Variants in TMEM108 observed in about 807,000 individuals in gnomAD.
TMEM108 encodes cancer/testis antigen 124.
A neutral mutation model predicts 35.1 loss-of-function variants in TMEM108; 12 were observed. The ratio of observed to expected loss-of-function variants is 0.34; its 90% CI spans 0.22 to 0.55. The LOEUF (loss-of-function observed/expected upper bound fraction) is 0.55, where lower values mean the gene tolerates loss of function less well. TMEM108 is among the 20% of genes least tolerant of loss of function. TMEM108 has a pLI of 0.89. For synonymous variants in TMEM108, 287 were observed against 308.6 expected (o/e 0.93, Z 0.73); for missense variants, 680 against 753.3 (o/e 0.90, Z 1.14).
chr3:133,381,293 G>A, intron 4 of TMEM108, 132 bp downstream of exon 4: 2 of 971,714 alleles, frequency 2.1e-6, no homozygotes, highest in South Asian at 1.7e-5. Context: ...AGGAAACTAG[G>A]TATCAGGACA....
At chr3:133,161,477 C>T (rs1008254087) in intron 2 of TMEM108, among the ~76,000 whole-genome samples, 3 of 152,064 alleles carry the variant, frequency 2.0e-5, no homozygotes, top group African/African-American at 7.2e-5. Flanking sequence ...AGAATAGTGC[C>T]TGGAACATAG....
intron 2 of TMEM108, among the ~76,000 whole-genome samples, chr3:133,143,812 G>T (rs1944673493): frequency 6.6e-6 from 1 of 152,134 alleles, no homozygotes; most frequent in African/African-American, 2.4e-5. Context: ...GCCAGCCCCA[G>T]CACATGCCCT....
intron 3 of TMEM108, among the ~76,000 whole-genome samples, chr3:133,310,388 G>C (rs562894736): frequency 6.6e-6 from 1 of 152,256 alleles, no homozygotes; most frequent in South Asian, 2.1e-4. Flanking sequence ...TGGTGCTCCT[G>C]TATTGGGTGC....
intron 3 of TMEM108, among the ~76,000 whole-genome samples, chr3:133,262,856 TC>T: frequency 6.6e-6 from 1 of 152,210 alleles, no homozygotes; most frequent in Admixed American, 6.5e-5. Context: ...CCAAATATGT[TC>T]CCTTTTCTGA....
intron 3 of TMEM108, among the ~76,000 whole-genome samples, chr3:133,336,759 C>T (rs1007376623): frequency 1.3e-5 from 2 of 151,610 alleles, no homozygotes; most frequent in Non-Finnish European, 2.9e-5. Flanking sequence ...TCTCTGATTC[C>T]AGGCCATGGC....
chr3:133,291,502 T>C, intron 3 of TMEM108, among the ~76,000 whole-genome samples: 1 of 152,122 alleles, frequency 6.6e-6, no homozygotes, highest in Non-Finnish European at 1.5e-5. Context: ...GGTCTCAAAC[T>C]CCTGGGCTCA....
chr3:133,277,703 G>A (rs1320584921), intron 3 of TMEM108, among the ~76,000 whole-genome samples: 2 of 152,224 alleles, frequency 1.3e-5, no homozygotes, highest in Non-Finnish European at 2.9e-5. Context: ...ATGGGGCACT[G>A]TAACTTACCT....
rs988862434 is a variant in TMEM108 at position 133,380,120 on chromosome 3, G to A, written c.409G>A (p.Ala137Thr). Reference protein sequence around the residue: ...SKPEGRPRGQAAPTILLTKPP... With the variant: ...SKPEGRPRGQTAPTILLTKPP... Reference sequence around the variant, plus strand: ...GCCAGAGGGCCGCCCTCGAGGGCAGGCTGCCCCCACCATCCTGCTGACAAA... The same window carrying A: ...GCCAGAGGGCCGCCCTCGAGGGCAGACTGCCCCCACCATCCTGCTGACAAA... Residue 137 changes from alanine (A) to threonine (T), a missense_variant, in exon 4 of 6, where the codon GCT becomes ACT. This residue lies in a region of TMEM108 where 526 missense variants were observed against 532.1 expected (regional missense o/e 0.99). Transcript: ENST00000321871. This position sits in a 1 kb window ranked among gnomAD's most constrained non-coding sequence, Gnocchi z 5.3. 2 of 1,613,784 alleles carry A rather than the reference G, an allele frequency of 1.2e-6. No individual in the cohort carries two copies. Among genetic ancestry groups the A allele is most frequent in the East Asian group, 2.2e-5 (1 of 44,878 alleles).
At chr3:133,301,123 A>G (rs1157326051) in intron 3 of TMEM108, among the ~76,000 whole-genome samples, 1 of 152,022 alleles carries the variant, frequency 6.6e-6, no homozygotes, top group Non-Finnish European at 1.5e-5. Context: ...AAAGAGTATT[A>G]TTGGAAGATC....
At chr3:133,267,299 A>G (rs1946713264) in intron 3 of TMEM108, among the ~76,000 whole-genome samples, 1 of 152,176 alleles carries the variant, frequency 6.6e-6, no homozygotes, top group African/African-American at 2.4e-5. Context: ...GATAATAACT[A>G]CACATTATAG....
At chr3:133,243,136 G>A (rs1946336086) in intron 3 of TMEM108, among the ~76,000 whole-genome samples, 1 of 152,162 alleles carries the variant, frequency 6.6e-6, no homozygotes, top group Non-Finnish European at 1.5e-5. Flanking sequence ...CTTGAGAAGG[G>A]ATGGTAATTG....
intron 3 of TMEM108, among the ~76,000 whole-genome samples, chr3:133,288,516 G>A (rs1355777): frequency 0.98 from 148,444 of 152,242 alleles, 72,458 homozygotes; most frequent in East Asian, 1. Context: ...GCTCAAATAC[G>A]CTAGTGGTAC....
chr3:133,313,411 T>C (rs935683238), intron 3 of TMEM108, among the ~76,000 whole-genome samples: 4 of 152,108 alleles, frequency 2.6e-5, no homozygotes, highest in African/African-American at 9.7e-5. Flanking sequence ...GGTCCCAATC[T>C]CCTGACCTCG....
chr3:133,386,331 A>T, intron 4 of TMEM108: 1 of 1,450,314 alleles, frequency 6.9e-7, no homozygotes, highest in East Asian at 2.5e-5. Context: ...ATGCCTGCTC[A>T]AACAGGCCCG....
At chr3:133,057,847 C>T (rs1943489568) in intron 2 of TMEM108, among the ~76,000 whole-genome samples, 1 of 152,146 alleles carries the variant, frequency 6.6e-6, no homozygotes, top group South Asian at 2.1e-4. Flanking sequence ...GAGCTTCTGA[C>T]TTTTCTTCTG....
At chr3:133,379,277 C>T (rs2072932118) in intron 3 of TMEM108, among the ~76,000 whole-genome samples, 1 of 152,218 alleles carries the variant, frequency 6.6e-6, no homozygotes, top group African/African-American at 2.4e-5. Context: ...AGAGTTGGTA[C>T]ATACTGCCAC....
At chr3:133,164,238 C>A (rs1195384175) in intron 2 of TMEM108, among the ~76,000 whole-genome samples, 1 of 152,114 alleles carries the variant, frequency 6.6e-6, no homozygotes, top group Non-Finnish European at 1.5e-5. Flanking sequence ...GACCAAGTGT[C>A]AAGTCACAGC....
At chr3:133,275,297 T>C (rs141679601) in intron 3 of TMEM108, among the ~76,000 whole-genome samples, 190 of 152,336 alleles carry the variant, frequency 1.2e-3, no homozygotes, top group Middle Eastern at 3.4e-3. Context: ...ATTTTCTGAA[T>C]TTTAGCAACA....
chr3:133,108,209 C>T lies in TMEM108; in HGVS notation c.-47+62189C>T, dbSNP rs549209451. On this transcript the variant is annotated intron_variant, in intron 2 of 5. Transcript: ENST00000321871. ...TCACACCGCTGTACTCCAGCCTGAG[C>T]GACAGAGTGACACTTCATCTTAAAA... is the stretch of plus-strand genomic sequence containing the variant. Among the ~76,000 whole-genome samples, 16 of 152,192 alleles carry T rather than the reference C, an allele frequency of 1.1e-4. No homozygotes were observed. The East Asian group carries it at 2.1e-3, about 20-fold the overall frequency.
Sources: allele counts gnomAD v4.1 joint callset (sites outside exome capture counted in the v4.1 genomes callset), GRCh38; gene constraint gnomAD v4.1.1; regional missense constraint gnomAD v4.1.1; non-coding constraint Gnocchi (gnomAD v3.1); transcripts MANE v1.5; gene names NCBI Gene and HGNC (gene_info 2026-07-23, HGNC 2026-07-21).